Variants in MSRA observed in about 807,000 individuals in gnomAD.
MSRA encodes mitochondrial peptide methionine sulfoxide reductase.
MSRA carries 54 observed loss-of-function variants against 31.3 expected under a neutral mutation model. That is an observed-to-expected ratio of 1.73 (90% CI 1.39 to 2.17). MSRA has a LOEUF of 2.17. MSRA is among the 30% of genes most tolerant of loss of function. MSRA has a pLI of 0.00. For missense variants in MSRA, 507 were observed against 300.9 expected (o/e 1.69, Z -5.07); for synonymous variants, 169 against 116.5 (o/e 1.45, Z -2.90).
At chr8:10,185,677 G>T (rs796120689) in intron 1 of MSRA, among the ~76,000 whole-genome samples, 6 of 152,272 alleles carry the variant, frequency 3.9e-5, no homozygotes, top group African/African-American at 1.2e-4. Flanking sequence ...GGCCCTGGTG[G>T]TATTTTCTGT....
At chr8:10,269,995 C>T (rs1430524240) in intron 3 of MSRA, among the ~76,000 whole-genome samples, 8 of 152,184 alleles carry the variant, frequency 5.3e-5, no homozygotes, top group Non-Finnish European at 5.9e-5. Flanking sequence ...ATGATCTCAT[C>T]TACCTTGAAG....
intron 1 of MSRA, among the ~76,000 whole-genome samples, chr8:10,161,332 G>T (rs964639477): frequency 6.6e-6 from 1 of 152,132 alleles, no homozygotes; most frequent in Non-Finnish European, 1.5e-5. Flanking sequence ...TCCTTGGGCA[G>T]GAATGGCACA....
At chr8:10,283,836 T>TATATATATATATATATATACACAC (rs1261287031) in intron 3 of MSRA, among the ~76,000 whole-genome samples, 18 of 53,154 alleles carry the variant, frequency 3.4e-4, no homozygotes, top group East Asian at 8.4e-4. Context: ...TATATATATA[T>TATATATATATATATATATACACAC]ACACACACAC....
At chr8:10,292,352 G>A (rs1800284216) in intron 3 of MSRA, among the ~76,000 whole-genome samples, 3 of 152,212 alleles carry the variant, frequency 2.0e-5, no homozygotes, top group African/African-American at 4.8e-5. Context: ...CAGTCCTGGG[G>A]CCTACAGAGG....
chr8:10,080,685 C>T (rs921869548), intron 1 of MSRA, among the ~76,000 whole-genome samples: 2 of 127,082 alleles, frequency 1.6e-5, no homozygotes, highest in East Asian at 2.4e-4. Context: ...GTTACCATGC[C>T]TGGCTAATTT....
At chr8:10,177,739 A>T (rs1293390588) in intron 1 of MSRA, among the ~76,000 whole-genome samples, 1 of 152,246 alleles carries the variant, frequency 6.6e-6, no homozygotes, top group Non-Finnish European at 1.5e-5. Flanking sequence ...TTTTTCTAGC[A>T]GCAGGTCTAT....
intron 3 of MSRA, among the ~76,000 whole-genome samples, chr8:10,299,916 A>G (rs1214080431): frequency 3.3e-5 from 5 of 152,262 alleles, no homozygotes; most frequent in Non-Finnish European, 7.3e-5. Context: ...AAGCATGGAA[A>G]AATATTTACA....
chr8:10,365,220 G>T (rs1213689173), intron 5 of MSRA, among the ~76,000 whole-genome samples: 1 of 149,920 alleles, frequency 6.7e-6, no homozygotes, highest in Non-Finnish European at 1.5e-5. Context: ...TCCCCTCTGA[G>T]CTCAGAGTAC....
chr8:10,252,048 G>T (rs986868888), intron 3 of MSRA, among the ~76,000 whole-genome samples: 1 of 152,172 alleles, frequency 6.6e-6, no homozygotes, highest in Non-Finnish European at 1.5e-5. Context: ...GCTTGGAGAG[G>T]CCATTCACAG....
At chr8:10,138,772 C>G (rs977058764) in intron 1 of MSRA, among the ~76,000 whole-genome samples, 2 of 152,172 alleles carry the variant, frequency 1.3e-5, no homozygotes, top group Admixed American at 1.3e-4. Context: ...AACCACTCCC[C>G]TTATCTTAGT....
chr8:10,084,276 G>A (rs191672314), intron 1 of MSRA, among the ~76,000 whole-genome samples: 139 of 152,310 alleles, frequency 9.1e-4, no homozygotes, highest in Middle Eastern at 3.4e-3. Flanking sequence ...TTTCTTTAAG[G>A]TTTGCCTTCT....
chr8:10,076,945 C>CT (rs1798022955), intron 1 of MSRA, among the ~76,000 whole-genome samples: 2 of 150,768 alleles, frequency 1.3e-5, no homozygotes, highest in Admixed American at 1.3e-4. Flanking sequence ...GCCTGCTGGG[C>CT]TTAATACGTA....
intron 4 of MSRA, among the ~76,000 whole-genome samples, chr8:10,313,385 T>C (rs1307749214): frequency 6.6e-6 from 1 of 152,006 alleles, no homozygotes; most frequent in Non-Finnish European, 1.5e-5. Flanking sequence ...AAGAAACTTC[T>C]ATTATGTCCA....
chr8:10,347,549 G>T (rs779193317), intron 5 of MSRA, among the ~76,000 whole-genome samples: 5 of 152,048 alleles, frequency 3.3e-5, no homozygotes, highest in Non-Finnish European at 5.9e-5. Flanking sequence ...CTCAGCCTTT[G>T]TTCTGGTTTG....
intron 5 of MSRA, among the ~76,000 whole-genome samples, chr8:10,324,241 A>T (rs1451260544): frequency 6.6e-6 from 1 of 152,144 alleles, no homozygotes; most frequent in African/African-American, 2.4e-5. Flanking sequence ...CTTTTAATTA[A>T]TTTACATTTA....
intron 1 of MSRA, among the ~76,000 whole-genome samples, chr8:10,194,925 G>A (rs1807844052): frequency 6.6e-6 from 1 of 152,218 alleles, no homozygotes. Context: ...TTCTGAAAAA[G>A]TAATACATCA....
chr8:10,340,193 C>T (rs1803334743), intron 5 of MSRA, among the ~76,000 whole-genome samples: 2 of 152,140 alleles, frequency 1.3e-5, no homozygotes, highest in Admixed American at 1.3e-4. Flanking sequence ...AGTGACACAC[C>T]TGCCCATTCC....
chr8:10,152,759 G>A (rs1310841957), intron 1 of MSRA, among the ~76,000 whole-genome samples: 1 of 152,170 alleles, frequency 6.6e-6, no homozygotes, highest in African/African-American at 2.4e-5. Context: ...AGCTCCACGT[G>A]CCCGTTGACA....
At chr8:10,123,147 T>C (rs1801250426) in intron 1 of MSRA, among the ~76,000 whole-genome samples, 1 of 152,234 alleles carries the variant, frequency 6.6e-6, no homozygotes, top group African/African-American at 2.4e-5. Flanking sequence ...CCACCAACAG[T>C]GTGTAAGTGT....
Sources: gnomAD v4.1 joint callset for allele counts (sites outside exome capture counted in the v4.1 genomes callset) on GRCh38, gnomAD v4.1.1 for gene constraint, MANE v1.5 for transcripts, NCBI Gene and HGNC (gene_info 2026-07-23, HGNC 2026-07-21) for gene names.